The following SEPTIN9 variants were observed in gnomAD, a reference collection of about 807,000 sequenced individuals.
The protein encoded by SEPTIN9 is septin-9.
A neutral mutation model predicts 56.6 loss-of-function variants in SEPTIN9; 13 were observed. That is an observed-to-expected ratio of 0.23 (90% confidence interval 0.15 to 0.37). SEPTIN9 has a LOEUF of 0.37. SEPTIN9 is among the 10% of genes least tolerant of loss of function. The pLI, the probability that SEPTIN9 is intolerant of heterozygous loss-of-function variation, is 1.00. For synonymous variants in SEPTIN9, 332 were observed against 334.1 expected (o/e 0.99, Z 0.07); for missense variants, 650 against 823.1 (o/e 0.79, Z 2.57).
chr17:77,321,024 C>T (rs2032900403), intron 2 of SEPTIN9, among the ~76,000 whole-genome samples: 1 of 152,254 alleles, frequency 6.6e-6, no homozygotes, highest in African/African-American at 2.4e-5. Flanking sequence ...CCAGGCCCTC[C>T]CTCCCAGGCC....
chr17:77,455,520 C>G (rs994930492), intron 3 of SEPTIN9, among the ~76,000 whole-genome samples: 3 of 152,236 alleles, frequency 2.0e-5, no homozygotes, highest in Non-Finnish European at 2.9e-5. Flanking sequence ...CTCCCTCCCC[C>G]AGATCCTTGT....
intron 2 of SEPTIN9, among the ~76,000 whole-genome samples, chr17:77,383,479 C>G (rs552351892): frequency 3.9e-5 from 6 of 152,290 alleles, no homozygotes; most frequent in Non-Finnish European, 7.4e-5. Flanking sequence ...CATCACTCCC[C>G]CACTGTGGAG....
chr17:77,409,610 C>T (rs191898683), intron 3 of SEPTIN9, among the ~76,000 whole-genome samples: 6 of 152,344 alleles, frequency 3.9e-5, no homozygotes, highest in South Asian at 2.1e-4. Context: ...GATGGAGCCC[C>T]GGCCCCCAGA....
Position 77,319,969 on chromosome 17 carries a change from G to A in SEPTIN9, c.76+12772G>A. The A allele has an allele frequency of 8.4e-7, 1 of 1,193,924 alleles. No homozygotes were observed. Among genetic ancestry groups the A allele is most frequent in the Non-Finnish European group, 1.0e-6 (1 of 958,426 alleles). The allele number at this position is 1,193,924 out of a possible 1,614,324, so 74.0% of individuals were successfully genotyped here. A position where few individuals can be genotyped will look rare whatever the true frequency, so the allele number is the denominator to read the frequency against. On this transcript the variant is annotated intron_variant, in intron 2 of 11. Transcript: ENST00000427177. This position sits in a 1 kb window ranked among gnomAD's most constrained non-coding sequence, Gnocchi z 5.3. The stretch of plus-strand genomic sequence containing the variant: ...GACCAGACCGGGCGGCCGGGACTCT[G>A]GGACTCTCGCAGGCAGACCCGGTGG...
At chr17:77,361,887 C>T (rs2034431233) in intron 2 of SEPTIN9, among the ~76,000 whole-genome samples, 1 of 152,244 alleles carries the variant, frequency 6.6e-6, no homozygotes, top group Non-Finnish European at 1.5e-5. Flanking sequence ...CCGCCTCGGC[C>T]TCCCAAAGTG....
chr17:77,337,405 C>T (rs1329082342), intron 2 of SEPTIN9, among the ~76,000 whole-genome samples: 1 of 151,942 alleles, frequency 6.6e-6, no homozygotes, highest in Non-Finnish European at 1.5e-5. Flanking sequence ...TTGATTTGCC[C>T]AGTTTTTAAG....
In SEPTIN9 at chr17:77,434,478, C is replaced by T. The variant is rs575744097; in HGVS notation, c.721+31775C>T. On this transcript the variant is annotated intron_variant, in intron 3 of 11. Transcript: ENST00000427177. The surrounding 1 kb of genome is among the most constrained non-coding windows in gnomAD (Gnocchi z 5.0). ...GCTAGCATATGAGCCCGTACTGCCT[C>T]TGAGTCTGCAGCCTGTTTTCCTTAC... 2.6e-5 allele frequency among the ~76,000 whole-genome samples: 4 copies of T among 152,210 alleles called. No individual in the cohort carries two copies. The highest frequency in any genetic ancestry group is 5.9e-5 in the Non-Finnish European group (4 of 68,042).
At chr17:77,408,025 C>G (rs1390691527) in intron 3 of SEPTIN9, among the ~76,000 whole-genome samples, 3 of 151,686 alleles carry the variant, frequency 2.0e-5, no homozygotes, top group Admixed American at 6.6e-5. Context: ...CCAAGTTTCT[C>G]CAGAGCTGCC....
intron 3 of SEPTIN9, among the ~76,000 whole-genome samples, chr17:77,452,613 A>G (rs1194186248): frequency 6.6e-6 from 1 of 152,098 alleles, no homozygotes; most frequent in Non-Finnish European, 1.5e-5. Flanking sequence ...GGCTGTGGAG[A>G]CAGCACCTGC....
intron 3 of SEPTIN9, among the ~76,000 whole-genome samples, chr17:77,411,253 C>T (rs1250152913): frequency 1.3e-5 from 2 of 152,160 alleles, no homozygotes; most frequent in Admixed American, 6.5e-5. Flanking sequence ...CAGAGTCATT[C>T]AGGGCTTGTG....
rs984281455 is a variant in SEPTIN9, at chr17:77,433,404, G to A, written c.721+30701G>A. ...GGGGCTGGGTGCGAGGACCCCCCCC[G>A]GCCAACAGGGTCTGCTTAGGTGTCC... On this transcript the variant is annotated intron_variant, in intron 3 of 11. Coordinates refer to ENST00000427177, the MANE Select transcript of SEPTIN9 (RefSeq NM_001113491.2). The surrounding 1 kb of genome is among the most constrained non-coding windows in gnomAD (Gnocchi z 6.4). Among the ~76,000 whole-genome samples, 3 of 149,288 alleles carry A rather than the reference G, an allele frequency of 2.0e-5. No individual in the cohort carries two copies. The highest frequency in any genetic ancestry group is 7.6e-5 in the African/African-American group (3 of 39,374).
At chr17:77,444,000 C>T (rs958135730) in intron 3 of SEPTIN9, among the ~76,000 whole-genome samples, 1 of 152,030 alleles carries the variant, frequency 6.6e-6, no homozygotes, top group Non-Finnish European at 1.5e-5. Context: ...GAGTCAAGGT[C>T]TCCAAGTCAG....
rs549165888 is a variant in SEPTIN9, at chr17:77,480,563, T to C, written c.722-1581T>C. 1.2e-3 allele frequency among the ~76,000 whole-genome samples: 185 copies of C among 152,298 alleles called. 2 individuals are homozygous for C. In the South Asian group the frequency reaches 0.036, roughly 30 times the overall value. On this transcript the variant is annotated intron_variant, in intron 3 of 11. Coordinates refer to ENST00000427177, the MANE Select transcript of SEPTIN9 (RefSeq NM_001113491.2). ...TTCTGGGCAGAGTGAGGAGTGGGCG[T>C]GGGCCGGGAGGGCTGCCTCCTGTCT...
Position 77,329,131 on chromosome 17 carries a change from G to A in SEPTIN9, c.76+21934G>A, listed in dbSNP as rs2033253819. On this transcript the variant is annotated intron_variant, in intron 2 of 11. Transcript: ENST00000427177. This position sits in a 1 kb window ranked among gnomAD's most constrained non-coding sequence, Gnocchi z 4.3. The stretch of plus-strand genomic sequence containing the variant: ...GCCGGGCCTTGGAGGCCCTGGTGAG[G>A]GCTTGATTTTATTCTCACTATGGTG... Among the ~76,000 whole-genome samples, 1 of 152,206 alleles carries A rather than the reference G, an allele frequency of 6.6e-6. No individual in the cohort carries two copies. The highest frequency in any genetic ancestry group is 6.5e-5 in the Admixed American group (1 of 15,286).
At position 77,402,574 on chromosome 17, in the gene SEPTIN9, G is replaced by A; in HGVS notation, c.592G>A (p.Ala198Thr). Residue 198 changes from alanine to threonine, a missense_variant, in exon 3 of 12, where the codon GCG (alanine) becomes ACG (threonine). Ala to Thr is a moderately conservative substitution (Grantham distance 58, BLOSUM62 0). Transcript: ENST00000427177. The surrounding 1 kb of genome is among the most constrained non-coding windows in gnomAD (Gnocchi z 6.6). ...GATCCAGATGCCCAAGCCTGCTGAG[G>A]CGCCCACCGCCCCCAGCCCAGCCCA... Reference protein sequence around the residue: ...VEIQMPKPAEAPTAPSPAQTL... With the variant: ...VEIQMPKPAETPTAPSPAQTL... The A allele has an allele frequency of 6.2e-7, 1 of 1,611,364 alleles. No individual in the cohort carries two copies.
chr17:77,396,313 G>T (rs1315555150), intron 2 of SEPTIN9, among the ~76,000 whole-genome samples: 2 of 152,238 alleles, frequency 1.3e-5, no homozygotes, highest in Non-Finnish European at 2.9e-5. Flanking sequence ...GGAGGAAGCT[G>T]TCCGGTGCTC....
At position 77,367,045 on chromosome 17, in the gene SEPTIN9, T is replaced by C. The variant is rs1382090860; in HGVS notation, c.77-35014T>C. ...GGGGAACAGATTGGTCATGTGCTTC[T>C]TTGAGTGAAACCTTATGGTTGCATT... On this transcript the variant is annotated intron_variant, in intron 2 of 11. Coordinates refer to ENST00000427177, the MANE Select transcript of SEPTIN9 (RefSeq NM_001113491.2). The surrounding 1 kb of genome is among the most constrained non-coding windows in gnomAD (Gnocchi z 4.5). 6.6e-6 allele frequency among the ~76,000 whole-genome samples: 1 copy of C among 152,210 alleles called. No homozygotes were observed. Among genetic ancestry groups the C allele is most frequent in the African/African-American group, 2.4e-5 (1 of 41,452 alleles).
chr17:77,380,541 C>T (rs2035106172), intron 2 of SEPTIN9, among the ~76,000 whole-genome samples: 1 of 152,090 alleles, frequency 6.6e-6, no homozygotes. Context: ...CATTGCAGTG[C>T]CCTCCTCCCC....
intron 4 of SEPTIN9, among the ~76,000 whole-genome samples, chr17:77,485,955 C>T (rs1384720278): frequency 6.6e-6 from 1 of 151,992 alleles, no homozygotes; most frequent in Non-Finnish European, 1.5e-5. Context: ...TCTCGTGCCT[C>T]AGGCATGTGC....
Sources: allele counts gnomAD v4.1 joint callset (sites outside exome capture counted in the v4.1 genomes callset), GRCh38; gene constraint gnomAD v4.1.1; non-coding constraint Gnocchi (gnomAD v3.1); transcripts MANE v1.5; gene names NCBI Gene and HGNC (gene_info 2026-07-23, HGNC 2026-07-21).